Variants in PRTFDC1 observed in about 807,000 individuals in gnomAD.
The protein encoded by PRTFDC1 is phosphoribosyltransferase domain-containing protein 1.
In PRTFDC1, 38 loss-of-function variants were observed where a neutral mutation model predicts 34.6. That is an observed-to-expected ratio of 1.10 (90% CI 0.85 to 1.44). The LOEUF is 1.44. Ranked by LOEUF, PRTFDC1 falls within the 40% of genes most tolerant of loss-of-function variation. The probability of loss-of-function intolerance (pLI) is 0.00; values close to 1 mark genes in which losing one functional copy is unlikely to be tolerated. For missense variants in PRTFDC1, 270 were observed against 283.0 expected (o/e 0.95, Z 0.33); for synonymous variants, 93 against 98.1 (o/e 0.95, Z 0.31).
intron 5 of PRTFDC1, among the ~76,000 whole-genome samples, chr10:24,857,636 T>C (rs759325632): frequency 6.6e-6 from 1 of 152,178 alleles, no homozygotes; most frequent in Non-Finnish European, 1.5e-5. Context: ...CAGGTCTGAA[T>C]GTAGCCAGGG....
At chr10:24,861,227 G>A (rs775877710) in intron 4 of PRTFDC1, among the ~76,000 whole-genome samples, 11 of 152,094 alleles carry the variant, frequency 7.2e-5, no homozygotes, top group African/African-American at 1.7e-4. Flanking sequence ...GAGGCCAGGC[G>A]CCGTGGCTCA....
intron 3 of PRTFDC1, among the ~76,000 whole-genome samples, chr10:24,893,272 T>TTC (rs1224809802): frequency 6.6e-5 from 6 of 91,416 alleles, no homozygotes; most frequent in East Asian, 3.0e-4. Flanking sequence ...CTCTCTCTCT[T>TTC]TCTCTCTCTC....
At chr10:24,924,891 C>T (rs1483943834) in intron 3 of PRTFDC1, among the ~76,000 whole-genome samples, 1 of 152,204 alleles carries the variant, frequency 6.6e-6, no homozygotes, top group Non-Finnish European at 1.5e-5. Context: ...ATTAGTTCAA[C>T]TATTGTGGAA....
At chr10:24,920,456 C>G (rs1301138103) in intron 3 of PRTFDC1, among the ~76,000 whole-genome samples, 1 of 152,124 alleles carries the variant, frequency 6.6e-6, no homozygotes, top group Non-Finnish European at 1.5e-5. Flanking sequence ...ACCACATGTT[C>G]TCATTTACAA....
At chr10:24,887,144 G>GT (rs1378039336) in intron 3 of PRTFDC1, among the ~76,000 whole-genome samples, 2 of 149,898 alleles carry the variant, frequency 1.3e-5, no homozygotes, top group South Asian at 4.3e-4. Flanking sequence ...CTAATTTTTT[G>GT]TATTTTTAGT....
At chr10:24,904,561 C>T (rs1430096650) in intron 3 of PRTFDC1, among the ~76,000 whole-genome samples, 1 of 152,158 alleles carries the variant, frequency 6.6e-6, no homozygotes, top group African/African-American at 2.4e-5. Context: ...ACACTTCAGC[C>T]CCGTGAACTT....
chr10:24,915,028 A>T (rs1249477244), intron 3 of PRTFDC1, among the ~76,000 whole-genome samples: 1 of 152,172 alleles, frequency 6.6e-6, no homozygotes, highest in Admixed American at 6.6e-5. Flanking sequence ...TCGAACCCTA[A>T]ACCTCAGCCT....
At chr10:24,924,649 G>T (rs955857730) in intron 3 of PRTFDC1, among the ~76,000 whole-genome samples, 3 of 152,042 alleles carry the variant, frequency 2.0e-5, no homozygotes, top group African/African-American at 7.2e-5. Context: ...ATCAAAAAGT[G>T]GGCAAAAGAC....
chr10:24,916,820 G>A (rs943782843), intron 3 of PRTFDC1, among the ~76,000 whole-genome samples: 3 of 152,042 alleles, frequency 2.0e-5, no homozygotes, highest in Non-Finnish European at 2.9e-5. Flanking sequence ...CCTGACATAC[G>A]AGTGTAACTA....
At chr10:24,855,899 A>G (rs1847564937) in intron 6 of PRTFDC1, among the ~76,000 whole-genome samples, 1 of 152,042 alleles carries the variant, frequency 6.6e-6, no homozygotes, top group African/African-American at 2.4e-5. Context: ...AAATCACTTG[A>G]GCTCATAAGT....
chr10:24,877,926 AG>A (rs1847994169), intron 3 of PRTFDC1, among the ~76,000 whole-genome samples: 1 of 152,074 alleles, frequency 6.6e-6, no homozygotes, highest in Non-Finnish European at 1.5e-5. Context: ...TGGCCAGAAT[AG>A]GTATTATTTG....
intron 4 of PRTFDC1, among the ~76,000 whole-genome samples, chr10:24,858,773 T>C (rs1040446844): frequency 2.0e-5 from 3 of 152,162 alleles, no homozygotes; most frequent in Admixed American, 2.0e-4. Context: ...CAATGCAACA[T>C]GAACTGCATT....
At chr10:24,867,948 C>G (rs1023721297) in intron 4 of PRTFDC1, 1 of 152,118 alleles carries the variant, frequency 6.6e-6, no homozygotes, top group East Asian at 1.9e-4. Flanking sequence ...TGTGCCATCA[C>G]GTCTGGCTAA....
intron 3 of PRTFDC1, among the ~76,000 whole-genome samples, chr10:24,929,779 A>G (rs1848942694): frequency 6.6e-6 from 1 of 152,204 alleles, no homozygotes; most frequent in Non-Finnish European, 1.5e-5. Context: ...CCACATACAA[A>G]AAAGCTGTCT....
intron 3 of PRTFDC1, among the ~76,000 whole-genome samples, chr10:24,882,525 TCCC>T (rs1848095654): frequency 6.6e-6 from 1 of 152,198 alleles, no homozygotes; most frequent in African/African-American, 2.4e-5. Flanking sequence ...TAATGCTTCT[TCCC>T]CACCCACTTT....
chr10:24,930,984 C>T (rs748620589), intron 3 of PRTFDC1, among the ~76,000 whole-genome samples: 5 of 151,894 alleles, frequency 3.3e-5, no homozygotes, highest in Non-Finnish European at 5.9e-5. Context: ...TGATAGTTTC[C>T]GCAATATAAA....
intron 3 of PRTFDC1, among the ~76,000 whole-genome samples, chr10:24,915,921 A>G (rs1848687003): frequency 6.6e-6 from 1 of 152,202 alleles, no homozygotes; most frequent in Non-Finnish European, 1.5e-5. Context: ...TTAAACAAAC[A>G]TCTTAATCCT....
chr10:24,860,285 G>T (rs933046895), intron 4 of PRTFDC1, among the ~76,000 whole-genome samples: 3 of 152,144 alleles, frequency 2.0e-5, no homozygotes, highest in African/African-American at 4.8e-5. Flanking sequence ...GGAGGCTGAG[G>T]CGGGAGAATC....
rs572356689 is a variant in PRTFDC1 at position 24,924,571 on chromosome 10, A to G, written c.339+12613T>C. On this transcript the variant is annotated intron_variant, in intron 3 of 8. Coordinates refer to ENST00000320152, the MANE Select transcript of PRTFDC1 (RefSeq NM_020200.7). ...GGGAGAAAAATTTTGCAATCTACCC[A>G]TCTGACAAAGGGCTAATATCCAGAA... Among the ~76,000 whole-genome samples the G allele has an allele frequency of 7.7e-4, 117 of 152,350 alleles. 1 individual carries two copies. The highest frequency in any genetic ancestry group is 1.1e-3 in the Non-Finnish European group (75 of 68,026).
Sources: gnomAD v4.1 joint callset for allele counts (sites outside exome capture counted in the v4.1 genomes callset) on GRCh38, gnomAD v4.1.1 for gene constraint, MANE v1.5 for transcripts, NCBI Gene and HGNC (gene_info 2026-07-23, HGNC 2026-07-21) for gene names.